Variants in CPSF4L observed in about 807,000 individuals in gnomAD.
CPSF4L encodes the protein putative cleavage and polyadenylation specificity factor subunit 4-like protein.
Under a neutral mutation model 24.0 loss-of-function variants are expected in CPSF4L, and 18 were observed. The ratio of observed to expected loss-of-function variants is 0.75; its 90% CI spans 0.52 to 1.11. The LOEUF (loss-of-function observed/expected upper bound fraction) is 1.11, where lower values mean the gene tolerates loss of function less well. CPSF4L is among the 50% of genes least tolerant of loss of function. The probability of loss-of-function intolerance (pLI) is 0.00; values close to 1 mark genes in which losing one functional copy is unlikely to be tolerated. For synonymous variants in CPSF4L, 72 were observed against 77.2 expected (o/e 0.93, Z 0.35); for missense variants, 211 against 221.8 (o/e 0.95, Z 0.31).
At chr17:73,257,636 C>G (rs759868582) in intron 3 of CPSF4L, 45 bp downstream of exon 3, 1 of 1,542,572 alleles carries the variant, frequency 6.5e-7, no homozygotes. Context: ...ACAGCCCACA[C>G]TGCCACCCTC....
downstream of CPSF4L, chr17:73,247,158 C>A: frequency 7.9e-7 from 1 of 1,266,650 alleles, no homozygotes; most frequent in Non-Finnish European, 1.1e-6. Context: ...GGCTGTTTCA[C>A]ACAACAACAG....
rs540186595 is a variant in CPSF4L, at chr17:73,260,399, G to A, written c.154+534C>T. Among the ~76,000 whole-genome samples the A allele has an allele frequency of 2.7e-4, 41 of 152,246 alleles. No individual in the cohort carries two copies. The East Asian group carries it at 7.1e-3, about 27-fold the overall frequency. The stretch of plus-strand genomic sequence containing the variant: ...AAACTATGAAGACTGCTGCTGAGGC[G>A]GGAAAATCTTAGGGGAGGGGCAGGC... On this transcript the variant is annotated intron_variant, in intron 2 of 5. Transcript: ENST00000344935.
At chr17:73,257,133 C>G (rs531415980) in intron 3 of CPSF4L, among the ~76,000 whole-genome samples, 1 of 152,316 alleles carries the variant, frequency 6.6e-6, no homozygotes, top group African/African-American at 2.4e-5. Context: ...AGGTGCTAGA[C>G]CTCTGAACCT....
downstream of CPSF4L, among the ~76,000 whole-genome samples, chr17:73,244,244 G>A (rs1224123206): frequency 1.3e-5 from 2 of 152,170 alleles, no homozygotes; most frequent in African/African-American, 4.8e-5. Context: ...TTAAATTTTT[G>A]TGCTGGTTTT....
the CPSF4L span, chr17:73,243,225 G>C: frequency 1.9e-6 from 1 of 530,880 alleles, no homozygotes; most frequent in Non-Finnish European, 3.5e-6. Context: ...CACGATCTCA[G>C]CTCACTGCAA....
chr17:73,245,831 T>C (rs1042186261), downstream of CPSF4L: 1 of 601,634 alleles, frequency 1.7e-6, no homozygotes, highest in African/African-American at 2.0e-5. Flanking sequence ...TTGAGTATAA[T>C]AATGAACCGG....
intron 3 of CPSF4L, among the ~76,000 whole-genome samples, chr17:73,256,718 C>T (rs1325752763): frequency 6.6e-6 from 1 of 152,156 alleles, no homozygotes; most frequent in African/African-American, 2.4e-5. Context: ...GCCCCATAAA[C>T]AGTCCCTTGA....
chr17:73,248,003 G>GT (rs1273109230), downstream of CPSF4L: 1 of 155,572 alleles, frequency 6.4e-6, no homozygotes, highest in Admixed American at 6.3e-5. Flanking sequence ...GTTCAGAATA[G>GT]TTTAAGAGCG....
chr17:73,251,143 T>C, intron 5 of CPSF4L: 1 of 1,505,232 alleles, frequency 6.6e-7, no homozygotes, highest in Non-Finnish European at 8.9e-7. Context: ...CTACTGCAGA[T>C]AGTCCCTGTG....
At chr17:73,262,707 C>G (rs7217509), upstream of CPSF4L, among the ~76,000 whole-genome samples, 31,801 of 152,222 alleles carry the variant, frequency 0.21, 3,518 homozygotes, top group African/African-American at 0.25. Flanking sequence ...CCCCCTCCCC[C>G]TGCTCTGGCC....
chr17:73,248,140 A>G, downstream of CPSF4L: 1 of 249,126 alleles, frequency 4.0e-6, no homozygotes, highest in Non-Finnish European at 7.8e-6. Flanking sequence ...GTGAGGATAC[A>G]TTTTTCGCTC....
At chr17:73,250,388 T>C in intron 5 of CPSF4L, 1 of 1,503,082 alleles carries the variant, frequency 6.7e-7, no homozygotes. Flanking sequence ...GATGGTTAGC[T>C]ACCTTTGTGA....
intron 5 of CPSF4L, 37 bp from the exon 6 acceptor site, chr17:73,248,573 A>G (rs1378404426): frequency 5.8e-6 from 9 of 1,548,462 alleles, no homozygotes; most frequent in Non-Finnish European, 7.0e-6. Flanking sequence ...GAGAATCCAT[A>G]CACGTAATCC....
chr17:73,261,923 T>G, upstream of CPSF4L: 1 of 818,466 alleles, frequency 1.2e-6, no homozygotes, highest in South Asian at 1.5e-5. Context: ...TGCCTCCCCC[T>G]TCACCCCAGG....
At chr17:73,242,513 A>G in the CPSF4L span, among the ~76,000 whole-genome samples, 1 of 151,512 alleles carries the variant, frequency 6.6e-6, no homozygotes, top group Non-Finnish European at 1.5e-5. Context: ...TTGGAGTTGG[A>G]CATAATTGAA....
At chr17:73,242,168 A>G in the CPSF4L span, 2 of 932,810 alleles carry the variant, frequency 2.1e-6, no homozygotes, top group African/African-American at 1.7e-5. Flanking sequence ...TTAGCCGTGG[A>G]TCCTTCGGCA....
the CPSF4L span, chr17:73,242,208 G>A: frequency 1.4e-6 from 2 of 1,432,274 alleles, no homozygotes; most frequent in Non-Finnish European, 9.7e-7. Flanking sequence ...GTACGTTTCG[G>A]TAAACAATGA....
At chr17:73,258,323 T>G (rs950823991) in intron 2 of CPSF4L, among the ~76,000 whole-genome samples, 5 of 150,340 alleles carry the variant, frequency 3.3e-5, no homozygotes, top group Non-Finnish European at 7.4e-5. Flanking sequence ...CTCTTGTTTT[T>G]GAGATGGCGT....
downstream of CPSF4L, chr17:73,247,149 G>T: frequency 9.0e-7 from 1 of 1,107,340 alleles, no homozygotes; most frequent in Non-Finnish European, 1.4e-6. Context: ...GGCATCCATG[G>T]CTGTTTCACA....
Sources: allele counts gnomAD v4.1 joint callset (sites outside exome capture counted in the v4.1 genomes callset), GRCh38; gene constraint gnomAD v4.1.1; transcripts MANE v1.5; gene names NCBI Gene and HGNC (gene_info 2026-07-23, HGNC 2026-07-21).